The following STK32B variants were observed in gnomAD, a reference collection of about 807,000 sequenced individuals.
STK32B encodes serine/threonine kinase 32B.
In STK32B, 43 loss-of-function variants were observed where a neutral mutation model predicts 52.6. The observed-to-expected ratio is 0.82, with a 90% CI of 0.64 to 1.05. STK32B has a LOEUF of 1.05. STK32B is among the 50% of genes least tolerant of loss of function. The probability of loss-of-function intolerance (pLI) is 0.00; values close to 1 mark genes in which losing one functional copy is unlikely to be tolerated. For missense variants in STK32B, 621 were observed against 534.6 expected, an observed-to-expected ratio of 1.16 and a Z score of -1.59; for synonymous variants, 238 against 204.3, an observed-to-expected ratio of 1.17 and a Z score of -1.41.
At chr4:5,159,383 C>A (rs952295088) in intron 2 of STK32B, among the ~76,000 whole-genome samples, 30 of 151,116 alleles carry the variant, frequency 2.0e-4, no homozygotes, top group African/African-American at 7.3e-4. Flanking sequence ...GAATTCTGAT[C>A]CTGGCTGGCT....
rs181444264 is a variant in STK32B, at chr4:5,226,721, A to G, written c.260+58271A>G. On this transcript the variant is annotated intron_variant, in intron 3 of 11. Transcript: ENST00000282908. ...AATTTGGATATGCCAAAAAGAAGCC[A>G]AATATATGCCAAAGAGAAATTGTTA... 6.6e-5 allele frequency among the ~76,000 whole-genome samples: 10 copies of G among 152,356 alleles called. No homozygotes were observed. The East Asian group carries it at 1.9e-3, about 29-fold the overall frequency.
At chr4:5,298,930 A>C (rs1380716404) in intron 3 of STK32B, among the ~76,000 whole-genome samples, 3 of 151,976 alleles carry the variant, frequency 2.0e-5, no homozygotes, top group Non-Finnish European at 2.9e-5. Flanking sequence ...TGGTGTAGGC[A>C]TCTGAGGGAA....
At chr4:5,266,531 A>G (rs1727067829) in intron 3 of STK32B, among the ~76,000 whole-genome samples, 1 of 152,222 alleles carries the variant, frequency 6.6e-6, no homozygotes, top group South Asian at 2.1e-4. Context: ...ACTCCGGGAA[A>G]AGGTGAGGAA....
At position 5,386,011 on chromosome 4, in the gene STK32B, G is replaced by A. The variant is rs1167165105; in HGVS notation, c.435-12196G>A. Among the ~76,000 whole-genome samples, 3 of 55,166 alleles carry A rather than the reference G, an allele frequency of 5.4e-5. No individual in the cohort carries two copies. The highest frequency in any genetic ancestry group is 1.3e-4 in the African/African-American group (2 of 15,450). 36.2% of individuals were successfully genotyped at this position (55,166 alleles called of 152,430 possible). On this transcript the variant is annotated intron_variant, in intron 4 of 11. Transcript: ENST00000282908. The surrounding 1 kb of genome is among the most constrained non-coding windows in gnomAD (Gnocchi z 4.5). ...AGCCCCCACCCATGGCCCCACCCACGGCTCCACTCACAGCCCCTACCCAGA... is the reference window on the plus strand; with the variant it reads ...AGCCCCCACCCATGGCCCCACCCACAGCTCCACTCACAGCCCCTACCCAGA...
At chr4:5,135,512 A>G (rs902427431) in intron 1 of STK32B, among the ~76,000 whole-genome samples, 5 of 152,256 alleles carry the variant, frequency 3.3e-5, no homozygotes, top group Non-Finnish European at 2.9e-5. Context: ...GTATCAGAAA[A>G]GAATGTTTCT....
intron 7 of STK32B, among the ~76,000 whole-genome samples, chr4:5,454,244 C>T (rs1160480561): frequency 6.6e-6 from 1 of 151,516 alleles, no homozygotes; most frequent in African/African-American, 2.4e-5. Flanking sequence ...CTGTTCATTA[C>T]CTGTGATGGC....
chr4:5,126,463 G>A (rs952893026), intron 1 of STK32B, among the ~76,000 whole-genome samples: 6 of 152,236 alleles, frequency 3.9e-5, no homozygotes, highest in African/African-American at 1.4e-4. Context: ...ATAGTCTAGG[G>A]TGTCTTCGCC....
At chr4:5,046,517 G>A (rs554763722), upstream of STK32B, among the ~76,000 whole-genome samples, 126 of 152,146 alleles carry the variant, frequency 8.3e-4, no homozygotes, top group Admixed American at 1.9e-3. Context: ...TTGACAAATG[G>A]GATCTATTTA....
intron 4 of STK32B, among the ~76,000 whole-genome samples, chr4:5,383,474 G>C (rs1230155252): frequency 6.6e-6 from 1 of 152,178 alleles, no homozygotes; most frequent in African/African-American, 2.4e-5. Context: ...ATCCTCCCCT[G>C]AACGAGCCCA....
chr4:5,472,038 G>A (rs1717889998), intron 11 of STK32B, among the ~76,000 whole-genome samples: 1 of 152,190 alleles, frequency 6.6e-6, no homozygotes, highest in African/African-American at 2.4e-5. Context: ...GACGGTTCCT[G>A]CAACTCCCAC....
At chr4:5,135,016 G>A (rs924676472) in intron 1 of STK32B, among the ~76,000 whole-genome samples, 14 of 152,224 alleles carry the variant, frequency 9.2e-5, no homozygotes, top group Admixed American at 6.5e-4. Flanking sequence ...CCACTGGCAT[G>A]TAAAGTAGGA....
rs535947038 is a variant in STK32B at position 5,442,802 on chromosome 4, G to T, written c.563-3871G>T. Among the ~76,000 whole-genome samples, 10 of 152,238 alleles carry T rather than the reference G, an allele frequency of 6.6e-5. No homozygotes were observed. In the East Asian group the frequency reaches 1.7e-3, roughly 26 times the overall value. ...GGAGCTCTTGTAAGGCAGGCCTGGT[G>T]GTGACACAATCTCTCAGCATTTGCT... is the stretch of plus-strand genomic sequence containing the variant. On this transcript the variant is annotated intron_variant, in intron 6 of 11. Coordinates refer to ENST00000282908, the MANE Select transcript of STK32B (RefSeq NM_018401.3).
intron 4 of STK32B, among the ~76,000 whole-genome samples, chr4:5,350,978 T>C (rs961751839): frequency 6.6e-6 from 1 of 152,078 alleles, no homozygotes; most frequent in Non-Finnish European, 1.5e-5. Flanking sequence ...CAAATTTTAT[T>C]AGATCTAAAG....
At chr4:5,353,552 A>AC (rs1333997697) in intron 4 of STK32B, among the ~76,000 whole-genome samples, 1 of 151,894 alleles carries the variant, frequency 6.6e-6, no homozygotes, top group African/African-American at 2.4e-5. Flanking sequence ...AGTAAAAAAA[A>AC]AAAATAAAAA....
In STK32B at chr4:5,446,735, T is replaced by C. The variant is rs1169035917; in HGVS notation, c.625T>C (p.Trp209Arg). 6.2e-7 allele frequency: 1 copy of C among 1,614,056 alleles called. No individual in the cohort carries two copies. The highest frequency in any genetic ancestry group is 8.5e-7 in the Non-Finnish European group (1 of 1,179,998). ...CGGATACTCGTACCCTGTCGACTGGTGGTCCCTGGGCATCACAGCCTATGA... is the reference window on the plus strand; with the variant it reads ...CGGATACTCGTACCCTGTCGACTGGCGGTCCCTGGGCATCACAGCCTATGA... ...GPGYSYPVDW[W>R]SLGITAYELL... Residue 209 changes from tryptophan to arginine, a missense_variant, in exon 7 of 12, where the codon TGG (tryptophan) becomes CGG (arginine). By Grantham distance (101) the Trp-to-Arg change is moderately radical. Coordinates refer to ENST00000282908, the MANE Select transcript of STK32B (RefSeq NM_018401.3).
At chr4:5,266,472 A>C (rs763073024) in intron 3 of STK32B, among the ~76,000 whole-genome samples, 25 of 152,304 alleles carry the variant, frequency 1.6e-4, no homozygotes, top group South Asian at 4.2e-4. Context: ...TCTCAACAAC[A>C]GCTGGTTAAT....
chr4:5,200,233 T>G (rs1479038089), intron 3 of STK32B, among the ~76,000 whole-genome samples: 1 of 152,158 alleles, frequency 6.6e-6, no homozygotes, highest in Non-Finnish European at 1.5e-5. Flanking sequence ...TGCTTTGTTT[T>G]TGATCTGCAC....
At chr4:5,439,194 G>C (rs1449504081) in intron 6 of STK32B, among the ~76,000 whole-genome samples, 1 of 149,498 alleles carries the variant, frequency 6.7e-6, no homozygotes, top group East Asian at 2.0e-4. Context: ...TTCCACAATG[G>C]TTGAACTAGT....
At chr4:5,496,240 G>A (rs1720235509) in intron 11 of STK32B, among the ~76,000 whole-genome samples, 1 of 152,218 alleles carries the variant, frequency 6.6e-6, no homozygotes, top group African/African-American at 2.4e-5. Flanking sequence ...TCCAGTTCCA[G>A]CTTCCAGGCC....
Sources: allele counts gnomAD v4.1 joint callset (sites outside exome capture counted in the v4.1 genomes callset), GRCh38; gene constraint gnomAD v4.1.1; non-coding constraint Gnocchi (gnomAD v3.1); transcripts MANE v1.5; gene names NCBI Gene and HGNC (gene_info 2026-07-23, HGNC 2026-07-21).